The following MED9 variants were observed in gnomAD, a reference collection of about 807,000 sequenced individuals.
MED9 encodes the protein mediator of RNA polymerase II transcription subunit 9.
Under a neutral mutation model 13.2 loss-of-function variants are expected in MED9, and 8 were observed. That is an observed-to-expected ratio of 0.61 (90% CI 0.36 to 1.10). The LOEUF (loss-of-function observed/expected upper bound fraction) is 1.10, where lower values mean the gene tolerates loss of function less well. Ranked by LOEUF, MED9 falls within the 50% of genes least tolerant of loss-of-function variation. The pLI is 0.02. For missense variants in MED9, 180 were observed against 193.4 expected (o/e 0.93, Z 0.41); for synonymous variants, 87 against 82.8 (o/e 1.05, Z -0.28).
In MED9 at chr17:17,491,280, A is replaced by G. The variant is rs776793982; in HGVS notation, c.226A>G (p.Met76Val). The change falls in exon 2 of 2, where the codon ATG becomes GTG. Residue 76 changes from methionine to valine, a missense_variant and splice_region_variant. Transcript: ENST00000268711. ...LPLVHNIIKC[M>V]DKDSPEVHQD... The stretch of plus-strand genomic sequence containing the variant: ...CTAACAGCTGTTCTTCCCCCACAGC[A>G]TGGACAAGGACAGCCCGGAGGTCCA... The G allele has an allele frequency of 6.2e-7, 1 of 1,612,616 alleles. No individual in the cohort carries two copies. The highest frequency in any genetic ancestry group is 8.5e-7 in the Non-Finnish European group (1 of 1,179,554).
Position 17,491,449 on chromosome 17 carries a change from T to C in MED9, c.395T>C (p.Leu132Pro). The C allele has an allele frequency of 6.2e-7, 1 of 1,614,100 alleles. No homozygotes were observed. The highest frequency in any genetic ancestry group is 8.5e-7 in the Non-Finnish European group (1 of 1,180,006). ...CAAGTCAGGACCAAGAATGAGCTTC[T>C]GCAAAAGTACAAGAGCCTCTGCATG... ...REQVRTKNEL[L>P]QKYKSLCMFE... is the part of the protein sequence containing the mutation. The change falls in exon 2 of 2, where the codon CTG becomes CCG. Residue 132 changes from leucine (L) to proline (P), a missense_variant. Coordinates refer to ENST00000268711, the MANE Select transcript of MED9 (RefSeq NM_018019.3).
chr17:17,483,597 G>A lies in MED9; in HGVS notation c.224+6332G>A, dbSNP rs1008594869. Among the ~76,000 whole-genome samples, 4 of 152,126 alleles carry A rather than the reference G, an allele frequency of 2.6e-5. No homozygotes were observed. The highest frequency in any genetic ancestry group is 4.1e-4 in the South Asian group (2 of 4,822). On this transcript the variant is annotated intron_variant, in intron 1 of 1. Transcript: ENST00000268711. The surrounding 1 kb of genome is among the most constrained non-coding windows in gnomAD (Gnocchi z 4.2). Reference sequence around the variant, plus strand: ...TTTCATCTCTTCTAGTGTCTTTCCCGCAGTTGAATGAAAAATTAAACTACA... The same window carrying A: ...TTTCATCTCTTCTAGTGTCTTTCCCACAGTTGAATGAAAAATTAAACTACA...
rs1457241651 is a variant in MED9, at chr17:17,492,289, C to T, written c.*794C>T. ...TCCCCAGGGTTGACAAGGGGCCGTC[C>T]TTTCCACACAGGCCAGAAGAGGTCT... On this transcript the variant is annotated 3_prime_UTR_variant, in exon 2 of 2. Transcript: ENST00000268711. 2.0e-5 allele frequency: 3 copies of T among 152,512 alleles called. No homozygotes were observed. The highest frequency in any genetic ancestry group is 4.4e-5 in the Non-Finnish European group (3 of 68,266). The allele number at this position is 152,512 out of a possible 1,614,324, so 9.4% of individuals were successfully genotyped here.
chr17:17,482,276 T>C (rs1409948746), intron 1 of MED9, among the ~76,000 whole-genome samples: 1 of 152,238 alleles, frequency 6.6e-6, no homozygotes, highest in Admixed American at 6.5e-5. Context: ...TGGGTCACTA[T>C]GAGCAAAGAA....
In MED9 at chr17:17,485,607, G is replaced by A. The variant is rs1597851117; in HGVS notation, c.225-5672G>A. 1.1e-4 allele frequency: 36 copies of A among 341,670 alleles called. 1 individual carries two copies. The East Asian group carries it at 1.5e-3, about 15-fold the overall frequency. The allele number at this position is 341,670 out of a possible 1,614,324, so 21.2% of individuals were successfully genotyped here. ...AGCGTGGCCAGTAGAGTGTGTAGGT[G>A]GGACTGCACCCTCCCCCCGTCCCCT... On this transcript the variant is annotated intron_variant, in intron 1 of 1. Coordinates refer to ENST00000268711, the MANE Select transcript of MED9 (RefSeq NM_018019.3).
In MED9 at chr17:17,491,379, C is replaced by T. The variant is rs1192998116; in HGVS notation, c.325C>T (p.Leu109=). Residue 109 remains leucine (L), a synonymous_variant, in exon 2 of 2, where the codon CTG becomes TTG. Transcript: ENST00000268711. ...CATCAGCACCATGCCCGGCATCCACCTGAGCCCCGAACAGCAGCAGCAGCA... is the reference window on the plus strand; with the variant it reads ...CATCAGCACCATGCCCGGCATCCACTTGAGCCCCGAACAGCAGCAGCAGCA... The part of the protein sequence containing the change: ...KLISTMPGIH[L]SPEQQQQQLQ... The T allele has an allele frequency of 6.2e-7, 1 of 1,613,908 alleles. No individual in the cohort carries two copies. Among genetic ancestry groups the T allele is most frequent in the East Asian group, 2.2e-5 (1 of 44,898 alleles).
chr17:17,491,153 T>C lies in MED9; in HGVS notation c.225-126T>C, dbSNP rs77952616. On this transcript the variant is annotated intron_variant, in intron 1 of 1. Transcript: ENST00000268711. The stretch of plus-strand genomic sequence containing the variant: ...GGGGGTGGACAGCCTAGTCAGGGGA[T>C]AGACACATAAAACGAAGTGTTCTAA... 1,746 of 899,326 alleles carry C rather than the reference T, an allele frequency of 1.9e-3. 22 individuals carry two copies. In the African/African-American group the frequency reaches 0.023, roughly 12 times the overall value. The allele number at this position is 899,326 out of a possible 1,614,324, so 55.7% of individuals were successfully genotyped here. A position where few individuals can be genotyped will look rare whatever the true frequency, so the allele number is the denominator to read the frequency against.
At position 17,478,806 on chromosome 17, in the gene MED9, G is replaced by T. The variant is rs908467757; in HGVS notation, c.224+1541G>T. Among the ~76,000 whole-genome samples, 46 of 151,538 alleles carry T rather than the reference G, an allele frequency of 3.0e-4. 1 individual carries two copies. Among genetic ancestry groups the T allele is most frequent in the Middle Eastern group, 3.5e-3 (1 of 288 alleles). On this transcript the variant is annotated intron_variant, in intron 1 of 1. Coordinates refer to ENST00000268711, the MANE Select transcript of MED9 (RefSeq NM_018019.3). The stretch of plus-strand genomic sequence containing the variant: ...CGGGAGGTGGAGGTTGCAGTGAGCC[G>T]AGATCATGCCATTGCACTCCAGCCT...
At position 17,483,363 on chromosome 17, in the gene MED9, G is replaced by A. The variant is rs1239103363; in HGVS notation, c.224+6098G>A. ...GTCTGCCTGAATAACCCAACACAAA[G>A]CCCACAGAGGGTCCTCTTGCTGCAG... On this transcript the variant is annotated intron_variant, in intron 1 of 1. Transcript: ENST00000268711. The surrounding 1 kb of genome is among the most constrained non-coding windows in gnomAD (Gnocchi z 4.2). Among the ~76,000 whole-genome samples the A allele has an allele frequency of 1.3e-5, 2 of 152,178 alleles. No homozygotes were observed. Among genetic ancestry groups the A allele is most frequent in the Non-Finnish European group, 2.9e-5 (2 of 68,054 alleles).
rs777077590 is a variant in MED9, at chr17:17,477,214, G to A, written c.173G>A (p.Arg58Lys). 8 of 1,610,444 alleles carry A rather than the reference G, an allele frequency of 5.0e-6. No homozygotes were observed. The highest frequency in any genetic ancestry group is 3.3e-4 in the Middle Eastern group (2 of 6,016). ...CGGCCTCAGTCACCTGCCCGCGCGA[G>A]GGAGGAAGAGAACTACTCCTTTTTA... Reference protein sequence around the residue: ...APRPQSPARAREEENYSFLPL... With the variant: ...APRPQSPARAKEEENYSFLPL... Residue 58 changes from arginine to lysine, a missense_variant, in exon 1 of 2, where the codon AGG (arginine) becomes AAG (lysine). Physicochemically the swap from Arg to Lys is conservative, Grantham distance 26 (BLOSUM62 2). Transcript: ENST00000268711.
In MED9 at chr17:17,492,067, T is replaced by C. The variant is rs1905246366; in HGVS notation, c.*572T>C. The C allele has an allele frequency of 6.3e-6, 1 of 158,096 alleles. No individual in the cohort carries two copies. The highest frequency in any genetic ancestry group is 2.4e-5 in the African/African-American group (1 of 41,468). 9.8% of individuals were successfully genotyped at this position (158,096 alleles called of 1,614,324 possible). A position where few individuals can be genotyped will look rare whatever the true frequency, so the allele number is the denominator to read the frequency against. ...GAGGGTGGCCTTTTTCCCCAAACAG[T>C]TTGGTTCCTTTTATGTTTGAGCCAG... On this transcript the variant is annotated 3_prime_UTR_variant, in exon 2 of 2. Coordinates refer to ENST00000268711, the MANE Select transcript of MED9 (RefSeq NM_018019.3).
chr17:17,478,826 C>T (rs1158854061), intron 1 of MED9, among the ~76,000 whole-genome samples: 1 of 151,292 alleles, frequency 6.6e-6, no homozygotes, highest in Non-Finnish European at 1.5e-5. Flanking sequence ...CATTGCACTC[C>T]AGCCTGGGCA....
chr17:17,477,228 T>G lies in MED9; in HGVS notation c.187T>G (p.Tyr63Asp). ...TGCCCGCGCGAGGGAGGAAGAGAAC[T>G]ACTCCTTTTTACCTTTGGTTCACAA... The part of the protein sequence containing the change: ...SPARAREEEN[Y>D]SFLPLVHNII... Residue 63 changes from tyrosine (Y) to aspartate (D), a missense_variant, in exon 1 of 2, where the codon TAC becomes GAC. By Grantham distance (160) the Tyr-to-Asp change is radical (BLOSUM62 -3). Coordinates refer to ENST00000268711, the MANE Select transcript of MED9 (RefSeq NM_018019.3). The G allele has an allele frequency of 6.2e-7, 1 of 1,608,172 alleles. No homozygotes were observed. The highest frequency in any genetic ancestry group is 8.5e-7 in the Non-Finnish European group (1 of 1,176,606).
Position 17,491,344 on chromosome 17 carries a change from T to C in MED9, c.290T>C (p.Met97Thr), listed in dbSNP as rs1237971211. 1 of 1,613,994 alleles carries C rather than the reference T, an allele frequency of 6.2e-7. No homozygotes were observed. The highest frequency in any genetic ancestry group is 1.7e-5 in the Admixed American group (1 of 60,024). Residue 97 changes from methionine (M) to threonine (T), a missense_variant, in exon 2 of 2, where the codon ATG becomes ACG. Coordinates refer to ENST00000268711, the MANE Select transcript of MED9 (RefSeq NM_018019.3). The stretch of plus-strand genomic sequence containing the variant: ...GCCCTCAAAAGCAAGTTCCAGGAGA[T>C]GCGCAAGCTCATCAGCACCATGCCC... Reference protein sequence around the residue: ...LNALKSKFQEMRKLISTMPGI... With the variant: ...LNALKSKFQETRKLISTMPGI...
chr17:17,482,401 T>C (rs1431813826), intron 1 of MED9, among the ~76,000 whole-genome samples: 2 of 152,246 alleles, frequency 1.3e-5, no homozygotes, highest in African/African-American at 4.8e-5. Context: ...TATTGATCTT[T>C]CATTAAGTTA....
chr17:17,485,306 C>T (rs866385007), intron 1 of MED9: 27 of 398,224 alleles, frequency 6.8e-5, no homozygotes, highest in African/African-American at 1.4e-4. Context: ...TTAGTAGAGA[C>T]GGGGCTGGCC....
chr17:17,485,402 A>AT, intron 1 of MED9: 1 of 398,312 alleles, frequency 2.5e-6, no homozygotes, highest in Non-Finnish European at 4.4e-6. Flanking sequence ...TTTAAGCAGC[A>AT]TAGTGACCTG....
At chr17:17,481,311 C>T (rs1461696345) in intron 1 of MED9, among the ~76,000 whole-genome samples, 1 of 152,202 alleles carries the variant, frequency 6.6e-6, no homozygotes, top group Admixed American at 6.5e-5. Flanking sequence ...ACTTCTTGCA[C>T]AGGGGTGAGT....
intron 1 of MED9, chr17:17,485,279 A>AT (rs1394413273): frequency 4.6e-4 from 170 of 373,050 alleles, no homozygotes; most frequent in South Asian, 1.2e-3. Flanking sequence ...ACAAAAAAAA[A>AT]TTTTTTTTTT....
Sources: gnomAD v4.1 joint callset for allele counts (sites outside exome capture counted in the v4.1 genomes callset) on GRCh38, gnomAD v4.1.1 for gene constraint, Gnocchi (gnomAD v3.1) non-coding constraint, MANE v1.5 for transcripts, NCBI Gene and HGNC (gene_info 2026-07-23, HGNC 2026-07-21) for gene names.